FNIP2: variants seen among roughly 807,000 people sequenced by gnomAD.
The protein encoded by FNIP2 is folliculin interacting protein 2, also known as folliculin-interacting protein 2.
A neutral mutation model predicts 108.7 loss-of-function variants in FNIP2; 32 were observed. The observed-to-expected ratio is 0.29, with a 90% CI of 0.22 to 0.40. FNIP2 has a LOEUF of 0.40. Ranked by LOEUF, FNIP2 falls within the 10% of genes least tolerant of loss-of-function variation. FNIP2 has a pLI of 1.00. For missense variants in FNIP2, 1,202 were observed against 1,381.6 expected, an observed-to-expected ratio of 0.87 and a Z score of 2.06; for synonymous variants, 480 against 496.7, an observed-to-expected ratio of 0.97 and a Z score of 0.45.
At position 158,769,094 on chromosome 4, in the gene FNIP2, CCCGCAAGGCTGGGCGGCCGCGCCG is replaced by C. The variant is rs1775600438; in HGVS notation, c.-114_-91del. 8.6e-6 allele frequency: 2 copies of C among 233,764 alleles called. No individual in the cohort carries two copies. Among genetic ancestry groups the C allele is most frequent in the African/African-American group, 4.7e-5 (2 of 42,436 alleles). 14.5% of individuals were successfully genotyped at this position (233,764 alleles called of 1,614,324 possible). ...TACTCAGTCGCAGCGGCCCCGCGCT[CCCGCAAGGCTGGGCGGCCGCGCCG>C]CCGCGATGGCCCCGCCACCGCGGCC... On this transcript the variant is annotated 5_prime_UTR_variant, in exon 1 of 17. Coordinates refer to ENST00000264433, the MANE Select transcript of FNIP2 (RefSeq NM_020840.3).
At chr4:158,845,613 TCG>T (rs1196970871) in intron 7 of FNIP2, among the ~76,000 whole-genome samples, 1 of 152,224 alleles carries the variant, frequency 6.6e-6, no homozygotes, top group African/African-American at 2.4e-5. Flanking sequence ...ATACTAGCAC[TCG>T]AGCATTGCAT....
rs760571061 is a variant in FNIP2 at position 158,861,601 on chromosome 4, TC to T, written c.1296-4del. 1.2e-6 allele frequency: 2 copies of T among 1,614,022 alleles called. No homozygotes were observed. The highest frequency in any genetic ancestry group is 1.7e-6 in the Non-Finnish European group (2 of 1,179,876). On this transcript the variant is annotated splice_polypyrimidine_tract_variant and splice_region_variant and intron_variant, in intron 11 of 16. Transcript: ENST00000264433. Reference sequence around the variant, plus strand: ...AGTTGGTTGTATCTTTTTCCATTTCTCCAAGGTTTTTTGCTGCCTTACTGAC... The same window carrying T: ...AGTTGGTTGTATCTTTTTCCATTTCTCAAGGTTTTTTGCTGCCTTACTGAC...
chr4:158,793,348 G>A (rs889335786), intron 1 of FNIP2, among the ~76,000 whole-genome samples: 5 of 152,196 alleles, frequency 3.3e-5, no homozygotes, highest in Admixed American at 3.3e-4. Flanking sequence ...ATGAGTGGCA[G>A]GTTCTTGACT....
At chr4:158,844,628 A>G (rs1000510556) in intron 7 of FNIP2, among the ~76,000 whole-genome samples, 4 of 152,222 alleles carry the variant, frequency 2.6e-5, no homozygotes, top group Admixed American at 6.5e-5. Context: ...TACTCTGCCT[A>G]TGTCCCTTCA....
intron 1 of FNIP2, among the ~76,000 whole-genome samples, chr4:158,778,485 T>A (rs182176036): frequency 6.6e-6 from 1 of 152,292 alleles, no homozygotes; most frequent in Admixed American, 6.5e-5. Context: ...TGTCACTTCA[T>A]CTTATCATAT....
intron 1 of FNIP2, among the ~76,000 whole-genome samples, chr4:158,805,297 G>A (rs1776906271): frequency 6.6e-6 from 1 of 152,152 alleles, no homozygotes; most frequent in Admixed American, 6.5e-5. Flanking sequence ...GTAAAGATTT[G>A]ACCTGTATTC....
At chr4:158,863,979 A>T (rs551772664) in intron 12 of FNIP2, among the ~76,000 whole-genome samples, 1 of 152,208 alleles carries the variant, frequency 6.6e-6, no homozygotes, top group African/African-American at 2.4e-5. Flanking sequence ...GAATTAGACT[A>T]CAAATCAATT....
At chr4:158,890,363 ATAG>A (rs1274943555) in intron 14 of FNIP2, 5 of 985,054 alleles carry the variant, frequency 5.1e-6, no homozygotes, top group South Asian at 4.7e-5. Flanking sequence ...CCCTTGGATA[ATAG>A]TAGGAAAAAA....
chr4:158,785,710 CT>C (rs11399957), intron 1 of FNIP2, among the ~76,000 whole-genome samples: 338 of 143,928 alleles, frequency 2.3e-3, no homozygotes, highest in Admixed American at 3.0e-3. Context: ...TTCTTTCTTT[CT>C]TTTTTTTTTT....
intron 5 of FNIP2, among the ~76,000 whole-genome samples, chr4:158,833,261 A>G (rs1778581386): frequency 6.6e-6 from 1 of 152,196 alleles, no homozygotes; most frequent in Admixed American, 6.5e-5. Context: ...TTGGTGTCTC[A>G]TTATATTATA....
At chr4:158,829,340 A>ACTCTG in intron 3 of FNIP2, 115 bp downstream of exon 3, 1 of 900,586 alleles carries the variant, frequency 1.1e-6, no homozygotes, top group Non-Finnish European at 1.6e-6. Context: ...GAGGACAAGT[A>ACTCTG]TTCAACAGAG....
In FNIP2 at chr4:158,870,339, T is replaced by C; in HGVS notation, c.2819T>C (p.Val940Ala). Reference protein sequence around the residue: ...PRSQSISTQNVRNFGRSLLAG... With the variant: ...PRSQSISTQNARNFGRSLLAG... ...TCTCAGAGCATCAGCACCCAGAATG[T>C]AAGGAACTTTGGCCGCTCACTTCTG... The change falls in exon 14 of 17, where the codon GTA becomes GCA. Residue 940 changes from valine (V) to alanine (A), a missense_variant. This residue lies in a region of FNIP2 where 878 missense variants were observed against 990.3 expected (regional missense o/e 0.89). Coordinates refer to ENST00000264433, the MANE Select transcript of FNIP2 (RefSeq NM_020840.3). The C allele has an allele frequency of 6.2e-7, 1 of 1,614,004 alleles. No homozygotes were observed. Among genetic ancestry groups the C allele is most frequent in the East Asian group, 2.2e-5 (1 of 44,890 alleles).
At chr4:158,890,390 G>A (rs554643349) in intron 14 of FNIP2, 31 of 979,988 alleles carry the variant, frequency 3.2e-5, no homozygotes, top group African/African-American at 1.9e-4. Flanking sequence ...TGGTCCGCAC[G>A]AAGTTTTCAT....
chr4:158,799,517 C>T (rs1206056313), intron 1 of FNIP2, among the ~76,000 whole-genome samples: 1 of 152,116 alleles, frequency 6.6e-6, no homozygotes, highest in South Asian at 2.1e-4. Context: ...TACTTGATAA[C>T]AGAGTGTCCT....
In FNIP2 at chr4:158,905,991, TCA is replaced by T. The variant is rs1263459827; in HGVS notation, c.*1448_*1449del. The T allele has an allele frequency of 2.0e-5, 3 of 152,230 alleles. No individual in the cohort carries two copies. The highest frequency in any genetic ancestry group is 4.8e-5 in the African/African-American group (2 of 41,466). 9.4% of individuals were successfully genotyped at this position (152,230 alleles called of 1,614,324 possible). ...TTCCCTATTAGGGACTAGAATGACT[TCA>T]GTTTTTTCATTTGATAAAAATCAGA... On this transcript the variant is annotated 3_prime_UTR_variant, in exon 17 of 17. Transcript: ENST00000264433.
intron 16 of FNIP2, among the ~76,000 whole-genome samples, chr4:158,904,189 A>C (rs957758081): frequency 1.3e-5 from 2 of 152,138 alleles, no homozygotes; most frequent in African/African-American, 4.8e-5. Flanking sequence ...AAGTCTGGTG[A>C]CCCCTGCCAA....
At chr4:158,881,625 A>T (rs1329320429) in intron 14 of FNIP2, among the ~76,000 whole-genome samples, 1 of 152,032 alleles carries the variant, frequency 6.6e-6, no homozygotes, top group South Asian at 2.1e-4. Flanking sequence ...TGGTTTTCGT[A>T]TTTTTTTGGT....
intron 14 of FNIP2, among the ~76,000 whole-genome samples, chr4:158,878,004 A>G (rs183148086): frequency 6.7e-5 from 10 of 148,906 alleles, no homozygotes; most frequent in Middle Eastern, 6.9e-3. Context: ...GGATTCCAGC[A>G]ACATGTACTA....
chr4:158,892,451 A>G (rs975536660), intron 15 of FNIP2, among the ~76,000 whole-genome samples: 3 of 152,208 alleles, frequency 2.0e-5, no homozygotes, highest in Non-Finnish European at 2.9e-5. Context: ...CAGAGCCTAT[A>G]CACTCTTAGA....
Sources: allele counts gnomAD v4.1 joint callset (sites outside exome capture counted in the v4.1 genomes callset), GRCh38; gene constraint gnomAD v4.1.1; regional missense constraint gnomAD v4.1.1; transcripts MANE v1.5; gene names NCBI Gene and HGNC (gene_info 2026-07-23, HGNC 2026-07-21).